Variants in WNT7B observed in about 807,000 individuals in gnomAD.
WNT7B encodes the protein protein Wnt-7b.
Under a neutral mutation model 38.2 loss-of-function variants are expected in WNT7B, and 19 were observed. That is an observed-to-expected ratio of 0.50 (90% CI 0.35 to 0.73). The LOEUF (loss-of-function observed/expected upper bound fraction) is 0.73. WNT7B is among the 30% of genes least tolerant of loss of function. The probability of loss-of-function intolerance (pLI) is 0.01; values close to 1 mark genes in which losing one functional copy is unlikely to be tolerated. For synonymous variants in WNT7B, 243 were observed against 209.3 expected (o/e 1.16, Z -1.39); for missense variants, 423 against 507.9 (o/e 0.83, Z 1.61).
chr22:45,958,668 G>C (rs1415201708), intron 1 of WNT7B, among the ~76,000 whole-genome samples: 1 of 152,216 alleles, frequency 6.6e-6, no homozygotes, highest in African/African-American at 2.4e-5. Context: ...TGGTAGCTCA[G>C]GAAGGCAGGG....
intron 2 of WNT7B, among the ~76,000 whole-genome samples, chr22:45,932,250 T>G (rs1442547179): frequency 2.0e-5 from 3 of 152,156 alleles, no homozygotes; most frequent in Admixed American, 1.3e-4. Flanking sequence ...CAGCCCTCTC[T>G]CCCCATCCTC....
In WNT7B at chr22:45,965,632, C is replaced by A. The variant is rs1932295400; in HGVS notation, c.71+11052G>T. Among the ~76,000 whole-genome samples, 3 of 152,156 alleles carry A rather than the reference C, an allele frequency of 2.0e-5. No homozygotes were observed. The highest frequency in any genetic ancestry group is 1.3e-4 in the Admixed American group (2 of 15,284). ...CATCCAGGACCACACACATGCTGAC[C>A]CAACAAAGCTGGCCAGGCTGGTCTC... On this transcript the variant is annotated intron_variant, in intron 1 of 3. Coordinates refer to ENST00000339464, the MANE Select transcript of WNT7B (RefSeq NM_058238.3). The surrounding 1 kb of genome is among the most constrained non-coding windows in gnomAD (Gnocchi z 6.5).
At position 45,935,744 on chromosome 22, in the gene WNT7B, C is replaced by G. The variant is rs943416002; in HGVS notation, c.299-4375G>C. ...ACACCACCTTATCTCCAAGACAGCC[C>G]CATTCTGATCAGACCCATTTCACAG... On this transcript the variant is annotated intron_variant, in intron 2 of 3. Coordinates refer to ENST00000339464, the MANE Select transcript of WNT7B (RefSeq NM_058238.3). 4 of 907,842 alleles carry G rather than the reference C, an allele frequency of 4.4e-6. No individual in the cohort carries two copies. The South Asian group carries it at 2.0e-4, about 46-fold the overall frequency. The allele number at this position is 907,842 out of a possible 1,614,324, so 56.2% of individuals were successfully genotyped here.
Position 45,942,964 on chromosome 22 carries a change from TGTGTGTGC to T in WNT7B, c.298+6948_298+6955del, listed in dbSNP as rs1049753641. ...GGCGTGTATGTGTGCAGTGTGCATG[TGTGTGTGC>T]GTGTGTGCAGTGTGCATGTGTGTAG... is the stretch of plus-strand genomic sequence containing the variant. On this transcript the variant is annotated intron_variant, in intron 2 of 3. Transcript: ENST00000339464. Among the ~76,000 whole-genome samples the T allele has an allele frequency of 7.4e-5, 11 of 149,006 alleles. No homozygotes were observed. The South Asian group carries it at 1.3e-3, about 17-fold the overall frequency.
chr22:45,945,644 G>T (rs2146728164), intron 2 of WNT7B, among the ~76,000 whole-genome samples: 1 of 152,336 alleles, frequency 6.6e-6, no homozygotes, highest in African/African-American at 2.4e-5. Context: ...TCCCTGCTGG[G>T]GGTCACTGGG....
intron 3 of WNT7B, among the ~76,000 whole-genome samples, chr22:45,929,250 G>T (rs527397930): frequency 1.3e-5 from 2 of 152,154 alleles, no homozygotes; most frequent in African/African-American, 2.4e-5. Context: ...AGGTTCGTAG[G>T]CCTCCTTTAT....
chr22:45,968,806 C>T lies in WNT7B; in HGVS notation c.71+7878G>A, dbSNP rs185869892. Among the ~76,000 whole-genome samples, 3 of 152,312 alleles carry T rather than the reference C, an allele frequency of 2.0e-5. No individual in the cohort carries two copies. In the East Asian group the frequency reaches 5.8e-4, roughly 29 times the overall value. On this transcript the variant is annotated intron_variant, in intron 1 of 3. Coordinates refer to ENST00000339464, the MANE Select transcript of WNT7B (RefSeq NM_058238.3). Reference sequence around the variant, plus strand: ...AGCTTGAACCCCACATGCACACCCTCTATGGAACGTTCTACACTTTCAAGT... The same window carrying T: ...AGCTTGAACCCCACATGCACACCCTTTATGGAACGTTCTACACTTTCAAGT...
intron 3 of WNT7B, among the ~76,000 whole-genome samples, chr22:45,928,691 C>T (rs974869176): frequency 2.6e-5 from 4 of 152,008 alleles, no homozygotes; most frequent in African/African-American, 4.8e-5. Context: ...CTCCAAGTCC[C>T]ACACCAAGTC....
At chr22:45,954,777 A>T in intron 1 of WNT7B, 2 of 985,332 alleles carry the variant, frequency 2.0e-6, no homozygotes, top group Non-Finnish European at 2.4e-6. Context: ...TCCCACTAAA[A>T]ATACCAAGTG....
At chr22:45,960,571 C>A (rs907376917) in intron 1 of WNT7B, among the ~76,000 whole-genome samples, 1 of 152,250 alleles carries the variant, frequency 6.6e-6, no homozygotes, top group Non-Finnish European at 1.5e-5. Flanking sequence ...CCCTCCCGGC[C>A]CCTGGCCCTG....
intron 2 of WNT7B, among the ~76,000 whole-genome samples, chr22:45,941,258 C>T (rs1931639888): frequency 1.3e-5 from 2 of 152,064 alleles, no homozygotes; most frequent in Admixed American, 6.5e-5. Context: ...GCCTGTAATC[C>T]CGGCACCTTG....
At chr22:45,954,883 C>T (rs1275850794) in intron 1 of WNT7B, 9 of 500,272 alleles carry the variant, frequency 1.8e-5, no homozygotes. Flanking sequence ...GTGCCATCCT[C>T]ATTTTGCAGG....
intron 3 of WNT7B, chr22:45,926,119 C>T (rs1356478972): frequency 9.1e-6 from 9 of 985,298 alleles, no homozygotes; most frequent in African/African-American, 1.7e-5. Context: ...GCTTGCAGAG[C>T]GAGGGGCCAC....
rs766005321 is a variant in WNT7B, at chr22:45,965,725, C to A, written c.71+10959G>T. Among the ~76,000 whole-genome samples, 2 of 152,326 alleles carry A rather than the reference C, an allele frequency of 1.3e-5. No homozygotes were observed. The highest frequency in any genetic ancestry group is 2.9e-5 in the Non-Finnish European group (2 of 68,030). ...CAGAAGGCCTCTGGGCTTCCCATACCCGCAGGACAGCTGCACCTCTGGTCC... is the reference window on the plus strand; with the variant it reads ...CAGAAGGCCTCTGGGCTTCCCATACACGCAGGACAGCTGCACCTCTGGTCC... On this transcript the variant is annotated intron_variant, in intron 1 of 3. Coordinates refer to ENST00000339464, the MANE Select transcript of WNT7B (RefSeq NM_058238.3). The surrounding 1 kb of genome is among the most constrained non-coding windows in gnomAD (Gnocchi z 6.5).
intron 1 of WNT7B, among the ~76,000 whole-genome samples, chr22:45,962,039 C>T (rs959889346): frequency 3.9e-5 from 6 of 152,218 alleles, no homozygotes; most frequent in Non-Finnish European, 8.8e-5. Flanking sequence ...CGTCCGCTTG[C>T]TCCCTCGCGC....
At chr22:45,923,515 A>G (rs1930992829) in intron 3 of WNT7B, among the ~76,000 whole-genome samples, 180 bp from the exon 4 acceptor site, 1 of 152,156 alleles carries the variant, frequency 6.6e-6, no homozygotes, top group African/African-American at 2.4e-5. Context: ...TGGGGCTGCT[A>G]ACAATAGGTC....
At chr22:45,943,025 A>G (rs951597711) in intron 2 of WNT7B, among the ~76,000 whole-genome samples, 4 of 136,582 alleles carry the variant, frequency 2.9e-5, no homozygotes, top group African/African-American at 1.1e-4. Context: ...GTGCATGTGT[A>G]TGTGTGTGCG....
At chr22:45,948,413 G>A (rs966993404) in intron 2 of WNT7B, among the ~76,000 whole-genome samples, 6 of 152,306 alleles carry the variant, frequency 3.9e-5, no homozygotes, top group African/African-American at 9.6e-5. Flanking sequence ...ACCACAAAGC[G>A]GGCCCCAGGG....
chr22:45,924,944 G>A, intron 3 of WNT7B, among the ~76,000 whole-genome samples: 1 of 146,848 alleles, frequency 6.8e-6, no homozygotes, highest in South Asian at 2.2e-4. Context: ...GGGCCTGAAG[G>A]CTCATCAGGT....
Sources: allele counts gnomAD v4.1 joint callset (sites outside exome capture counted in the v4.1 genomes callset), GRCh38; gene constraint gnomAD v4.1.1; non-coding constraint Gnocchi (gnomAD v3.1); transcripts MANE v1.5; gene names NCBI Gene and HGNC (gene_info 2026-07-23, HGNC 2026-07-21).